The following PLCL1 variants were observed in gnomAD, a reference collection of about 807,000 sequenced individuals.
PLCL1 encodes the protein inactive phospholipase C-like protein 1.
A neutral mutation model predicts 84.4 loss-of-function variants in PLCL1; 41 were observed. The observed-to-expected ratio is 0.49, with a 90% CI of 0.38 to 0.63. PLCL1 has a LOEUF of 0.63. PLCL1 is among the 30% of genes least tolerant of loss of function. The pLI, the probability that PLCL1 is intolerant of heterozygous loss-of-function variation, is 0.00. For missense variants in PLCL1, 1,206 were observed against 1,367.8 expected (o/e 0.88, Z 1.87); for synonymous variants, 490 against 488.3 (o/e 1.00, Z -0.05).
intron 1 of PLCL1, among the ~76,000 whole-genome samples, chr2:197,911,365 A>G (rs1212413575): frequency 6.6e-6 from 1 of 151,970 alleles, no homozygotes; most frequent in South Asian, 2.1e-4. Flanking sequence ...TAAATAAAAT[A>G]AAAAATAAAG....
chr2:198,095,935 A>G (rs1261990038), intron 3 of PLCL1, among the ~76,000 whole-genome samples: 1 of 152,240 alleles, frequency 6.6e-6, no homozygotes. Context: ...CTGTAACTCA[A>G]GAGAAATAGG....
intron 5 of PLCL1, among the ~76,000 whole-genome samples, chr2:198,139,869 T>C (rs1482672967): frequency 1.3e-5 from 2 of 152,076 alleles, no homozygotes; most frequent in African/African-American, 4.8e-5. Context: ...TCAGTTCACA[T>C]ATACATAGCT....
chr2:197,827,970 T>G (rs1433077376), intron 1 of PLCL1, among the ~76,000 whole-genome samples: 1 of 149,734 alleles, frequency 6.7e-6, no homozygotes, highest in Non-Finnish European at 1.5e-5. Context: ...ATGTTTTTTA[T>G]AAGACATGAA....
intron 1 of PLCL1, among the ~76,000 whole-genome samples, chr2:198,054,960 A>G (rs1232605170): frequency 6.6e-6 from 1 of 152,204 alleles, no homozygotes. Context: ...ACCTCAGATG[A>G]AAAACAAATA....
chr2:197,963,995 A>G (rs1371872545), intron 1 of PLCL1, among the ~76,000 whole-genome samples: 2 of 151,896 alleles, frequency 1.3e-5, no homozygotes, highest in Admixed American at 6.6e-5. Context: ...GTACAGTACC[A>G]TTACTGTAGC....
intron 1 of PLCL1, among the ~76,000 whole-genome samples, chr2:198,011,712 T>C (rs1690872042): frequency 6.6e-6 from 1 of 152,144 alleles, no homozygotes. Context: ...TATTGAAGTC[T>C]TCTACTATTA....
chr2:198,126,353 A>G (rs917155181), intron 5 of PLCL1, among the ~76,000 whole-genome samples: 8 of 152,186 alleles, frequency 5.3e-5, no homozygotes, highest in Non-Finnish European at 1.2e-4. Context: ...TGTCCTACAA[A>G]AAAAGCCCTT....
intron 1 of PLCL1, among the ~76,000 whole-genome samples, chr2:197,980,213 C>A (rs993992377): frequency 6.6e-6 from 1 of 152,036 alleles, no homozygotes. Context: ...AAGGAGCAGG[C>A]GAGGTGGGAA....
intron 5 of PLCL1, among the ~76,000 whole-genome samples, chr2:198,112,160 T>C (rs1693638517): frequency 6.6e-6 from 1 of 151,958 alleles, no homozygotes; most frequent in Non-Finnish European, 1.5e-5. Context: ...TTTCTCTTTG[T>C]AAGTAAATCA....
rs373512508 is a variant in PLCL1, at chr2:197,918,971, T to TCTCTCTCACACACA, written c.240+113633_240+113634insTCTCTCACACACAC. On this transcript the variant is annotated intron_variant, in intron 1 of 5. Transcript: ENST00000428675. ...CTCTCTCTCTCTCTCTCTCTCTCCC[T>TCTCTCTCACACACA]CACACACACACATACACACACAAAG... Among the ~76,000 whole-genome samples the TCTCTCTCACACACA allele has an allele frequency of 3.7e-4, 54 of 144,654 alleles. 2 individuals carry two copies. The South Asian group carries it at 8.7e-3, about 23-fold the overall frequency. 94.9% of individuals were successfully genotyped at this position (144,654 alleles called of 152,430 possible). A position where few individuals can be genotyped will look rare whatever the true frequency, so the allele number is the denominator to read the frequency against.
At chr2:198,004,049 C>T (rs977772158) in intron 1 of PLCL1, among the ~76,000 whole-genome samples, 1 of 152,120 alleles carries the variant, frequency 6.6e-6, no homozygotes, top group Admixed American at 6.5e-5. Flanking sequence ...TAATTAAAAA[C>T]TGAAAGTAAA....
At chr2:197,831,591 G>C (rs1691067930) in intron 1 of PLCL1, among the ~76,000 whole-genome samples, 1 of 152,160 alleles carries the variant, frequency 6.6e-6, no homozygotes, top group Non-Finnish European at 1.5e-5. Context: ...ACACCCCACT[G>C]TCCATATTCA....
At chr2:198,060,593 T>C (rs565042387) in intron 1 of PLCL1, among the ~76,000 whole-genome samples, 1 of 152,358 alleles carries the variant, frequency 6.6e-6, no homozygotes, top group East Asian at 1.9e-4. Context: ...GGGAATGCAT[T>C]GACACACATG....
At chr2:197,880,362 G>C (rs1687807817) in intron 1 of PLCL1, among the ~76,000 whole-genome samples, 1 of 152,036 alleles carries the variant, frequency 6.6e-6, no homozygotes, top group Non-Finnish European at 1.5e-5. Flanking sequence ...ATGTTTGAAT[G>C]TTCTGAGTAC....
At chr2:197,841,033 G>A (rs1217920683) in intron 1 of PLCL1, among the ~76,000 whole-genome samples, 4 of 152,040 alleles carry the variant, frequency 2.6e-5, no homozygotes, top group Non-Finnish European at 4.4e-5. Flanking sequence ...TTACTTTTTA[G>A]AGAAGTTTTA....
At chr2:197,994,914 T>C (rs1410921439) in intron 1 of PLCL1, among the ~76,000 whole-genome samples, 1 of 152,184 alleles carries the variant, frequency 6.6e-6, no homozygotes, top group East Asian at 1.9e-4. Context: ...AGAGAACCAG[T>C]GAAGAAAGGA....
intron 1 of PLCL1, among the ~76,000 whole-genome samples, chr2:197,964,210 T>G (rs1157571749): frequency 6.6e-6 from 1 of 152,156 alleles, no homozygotes; most frequent in African/African-American, 2.4e-5. Flanking sequence ...TCTAACAGTA[T>G]TAATTCTTCC....
intron 1 of PLCL1, among the ~76,000 whole-genome samples, chr2:198,055,727 TG>T (rs1275028653): frequency 6.6e-6 from 1 of 152,164 alleles, no homozygotes; most frequent in Non-Finnish European, 1.5e-5. Context: ...CAGATTTTTA[TG>T]ATAAGGATTG....
At chr2:197,817,740 T>A (rs935717281) in intron 1 of PLCL1, among the ~76,000 whole-genome samples, 4 of 151,800 alleles carry the variant, frequency 2.6e-5, no homozygotes, top group African/African-American at 9.7e-5. Flanking sequence ...CTGAAAGGAG[T>A]GAAGAGAAAG....
Sources: gnomAD v4.1 joint callset for allele counts (sites outside exome capture counted in the v4.1 genomes callset) on GRCh38, gnomAD v4.1.1 for gene constraint, MANE v1.5 for transcripts, NCBI Gene and HGNC (gene_info 2026-07-23, HGNC 2026-07-21) for gene names.